The following SLC27A4 variants were observed in gnomAD, a reference collection of about 807,000 sequenced individuals.
SLC27A4 encodes the protein solute carrier family 27 member 4.
Under a neutral mutation model 64.4 loss-of-function variants are expected in SLC27A4, and 33 were observed. That is an observed-to-expected ratio of 0.51 (90% CI 0.39 to 0.68). The LOEUF is 0.68. Ranked by LOEUF, SLC27A4 falls within the 30% of genes least tolerant of loss-of-function variation. SLC27A4 has a pLI of 0.00. For synonymous variants in SLC27A4, 377 were observed against 370.0 expected (o/e 1.02, Z -0.22); for missense variants, 824 against 883.5 (o/e 0.93, Z 0.85).
chr9:128,352,828 T>C lies in SLC27A4; in HGVS notation c.987+81T>C, dbSNP rs144672461. 1,131 of 1,206,550 alleles carry C rather than the reference T, an allele frequency of 9.4e-4. 3 individuals carry two copies. In the African/African-American group the frequency reaches 0.011, roughly 12 times the overall value. 74.7% of individuals were successfully genotyped at this position (1,206,550 alleles called of 1,614,324 possible). ...ACTACACTCCGGGGCATCTGTCTTATAGCTGAGGTGGCCAGTCATTCCAAA... is the reference window on the plus strand; with the variant it reads ...ACTACACTCCGGGGCATCTGTCTTACAGCTGAGGTGGCCAGTCATTCCAAA... On this transcript the variant is annotated intron_variant, in intron 7 of 12. Transcript: ENST00000300456.
chr9:128,351,435 T>G (rs1588560908), intron 6 of SLC27A4, among the ~76,000 whole-genome samples: 1 of 151,236 alleles, frequency 6.6e-6, no homozygotes, highest in Middle Eastern at 3.4e-3. Flanking sequence ...TCAAAAAAAA[T>G]AAAAATAGGC....
intron 6 of SLC27A4, among the ~76,000 whole-genome samples, chr9:128,351,855 C>T (rs1373692650): frequency 2.6e-5 from 4 of 151,934 alleles, no homozygotes; most frequent in Non-Finnish European, 5.9e-5. Context: ...GAGTTTAAGG[C>T]CAGCCTGGGC....
Position 128,353,371 on chromosome 9 carries a change from G to C in SLC27A4, c.1198-44G>C, listed in dbSNP as rs1564402262. ...ACTTCCCCCTCATTGTCCAGTTTTGGGCCCATGGTGAGAGAGCCCAGGCCC... is the reference window on the plus strand; with the variant it reads ...ACTTCCCCCTCATTGTCCAGTTTTGCGCCCATGGTGAGAGAGCCCAGGCCC... On this transcript the variant is annotated intron_variant, in intron 8 of 12. Transcript: ENST00000300456. This position sits in a 1 kb window ranked among gnomAD's most constrained non-coding sequence, Gnocchi z 4.9. The C allele has an allele frequency of 2.5e-6, 4 of 1,614,062 alleles. No individual in the cohort carries two copies. Among genetic ancestry groups the C allele is most frequent in the Non-Finnish European group, 2.5e-6 (3 of 1,180,022 alleles).
intron 2 of SLC27A4, 93 bp downstream of exon 2, chr9:128,343,386 A>G (rs907918748): frequency 4.6e-5 from 68 of 1,463,638 alleles, no homozygotes; most frequent in Admixed American, 2.4e-4. Context: ...CATGTTCTCT[A>G]CCAGCACAGG....
intron 1 of SLC27A4, 56 bp downstream of exon 1, chr9:128,340,894 C>A: frequency 1.8e-6 from 1 of 548,308 alleles, no homozygotes; most frequent in South Asian, 2.1e-5. Flanking sequence ...CAGGCCGAGT[C>A]GGGCGAGGTG....
chr9:128,346,547 T>A (rs1377287217), intron 3 of SLC27A4, among the ~76,000 whole-genome samples: 1 of 151,924 alleles, frequency 6.6e-6, no homozygotes, highest in South Asian at 2.1e-4. Flanking sequence ...AAAAAGTTTT[T>A]AAAAAATTAG....
intron 1 of SLC27A4, among the ~76,000 whole-genome samples, chr9:128,341,807 C>G (rs957540431): frequency 6.6e-6 from 1 of 152,094 alleles, no homozygotes; most frequent in African/African-American, 2.4e-5. Context: ...GGCACAATCT[C>G]GGCTCAATGG....
chr9:128,361,447 G>A lies in SLC27A4; in HGVS notation c.*956G>A, dbSNP rs534530929. On this transcript the variant is annotated 3_prime_UTR_variant, in exon 13 of 13. Coordinates refer to ENST00000300456, the MANE Select transcript of SLC27A4 (RefSeq NM_005094.4). Reference sequence around the variant, plus strand: ...TGTGAATCTGGCAAGGTGTTTAACAGTGTGGGCTTGAAAGTCCAAACCAGC... The same window carrying A: ...TGTGAATCTGGCAAGGTGTTTAACAATGTGGGCTTGAAAGTCCAAACCAGC... The A allele has an allele frequency of 6.6e-6, 1 of 152,406 alleles. No individual in the cohort carries two copies. Among genetic ancestry groups the A allele is most frequent in the East Asian group, 1.9e-4 (1 of 5,192 alleles). 9.4% of individuals were successfully genotyped at this position (152,406 alleles called of 1,614,324 possible).
At chr9:128,355,592 A>AG (rs1832807482) in intron 11 of SLC27A4, 30 bp downstream of exon 11, 2 of 1,607,456 alleles carry the variant, frequency 1.2e-6, no homozygotes, top group African/African-American at 1.3e-5. Context: ...AGGTGTGGGT[A>AG]GGGAGGCACC....
chr9:128,360,474 G>C lies in SLC27A4; in HGVS notation c.1915G>C (p.Gly639Arg). 1 of 1,614,042 alleles carries C rather than the reference G, an allele frequency of 6.2e-7. No homozygotes were observed. Among genetic ancestry groups the C allele is most frequent in the Non-Finnish European group, 8.5e-7 (1 of 1,180,040 alleles). Reference protein sequence around the residue: ...DQEAYSRIQAGEEKL With the variant: ...DQEAYSRIQAREEKL ...AGAGGCCTACAGCCGCATCCAGGCA[G>C]GCGAGGAGAAGCTGTGATTCCCCCC... The change falls in exon 13 of 13, where the codon GGC becomes CGC. Residue 639 changes from glycine to arginine, a missense_variant. Transcript: ENST00000300456.
At position 128,353,590 on chromosome 9, in the gene SLC27A4, G is replaced by A; in HGVS notation, c.1324+49G>A. On this transcript the variant is annotated intron_variant, in intron 9 of 12. Transcript: ENST00000300456. This position sits in a 1 kb window ranked among gnomAD's most constrained non-coding sequence, Gnocchi z 4.9. ...GGGAGGGGTTGGCCTGGGAAGGAAGGAGGCCAGGCGCGTGTGGATGGGGAG... is the reference window on the plus strand; with the variant it reads ...GGGAGGGGTTGGCCTGGGAAGGAAGAAGGCCAGGCGCGTGTGGATGGGGAG... The A allele has an allele frequency of 6.2e-7, 1 of 1,601,494 alleles. No individual in the cohort carries two copies. The highest frequency in any genetic ancestry group is 8.5e-7 in the Non-Finnish European group (1 of 1,171,738).
chr9:128,346,393 C>G (rs1324050380), intron 3 of SLC27A4, among the ~76,000 whole-genome samples: 1 of 151,826 alleles, frequency 6.6e-6, no homozygotes, highest in Non-Finnish European at 1.5e-5. Context: ...GCCACCACGC[C>G]CAGCTAATTT....
At chr9:128,350,434 C>T (rs1564401048) in intron 5 of SLC27A4, 50 bp from the exon 6 acceptor site, 1 of 1,611,796 alleles carries the variant, frequency 6.2e-7, no homozygotes, top group African/African-American at 1.3e-5. Flanking sequence ...TGGGGAGCCT[C>T]CTTCTGCCTT....
At chr9:128,346,097 T>C (rs895540823) in intron 3 of SLC27A4, among the ~76,000 whole-genome samples, 2 of 152,194 alleles carry the variant, frequency 1.3e-5, no homozygotes. Context: ...TACTCAGTTT[T>C]GCCATGTTGC....
Position 128,352,965 on chromosome 9 carries a change from G to A in SLC27A4, c.988-60G>A, listed in dbSNP as rs907741733. 9 of 1,436,672 alleles carry A rather than the reference G, an allele frequency of 6.3e-6. No individual in the cohort carries two copies. The Admixed American group carries it at 1.1e-4, about 18-fold the overall frequency. The allele number at this position is 1,436,672 out of a possible 1,614,324, so 89.0% of individuals were successfully genotyped here. A position where few individuals can be genotyped will look rare whatever the true frequency, so the allele number is the denominator to read the frequency against. Reference sequence around the variant, plus strand: ...AGAGTAGGGGCTTGAGGGATCAGGAGAATCCTAGTGTAGTGAGGGCAGCCT... The same window carrying A: ...AGAGTAGGGGCTTGAGGGATCAGGAAAATCCTAGTGTAGTGAGGGCAGCCT... On this transcript the variant is annotated intron_variant, in intron 7 of 12. Coordinates refer to ENST00000300456, the MANE Select transcript of SLC27A4 (RefSeq NM_005094.4).
At chr9:128,355,344 C>A in intron 10 of SLC27A4, 54 bp from the exon 11 acceptor site, 2 of 1,610,096 alleles carry the variant, frequency 1.2e-6, no homozygotes, top group African/African-American at 2.7e-5. Context: ...CTGGCTTGAG[C>A]CCTGGTCTCA....
chr9:128,354,470 G>T (rs1832787277), intron 9 of SLC27A4, among the ~76,000 whole-genome samples: 1 of 152,200 alleles, frequency 6.6e-6, no homozygotes, highest in African/African-American at 2.4e-5. Context: ...CCGGCATGGA[G>T]CAGAGGCTTG....
Position 128,360,592 on chromosome 9 carries a change from T to C in SLC27A4, c.*101T>C. 7.7e-7 allele frequency: 1 copy of C among 1,290,470 alleles called. No individual in the cohort carries two copies. Among genetic ancestry groups the C allele is most frequent in the Non-Finnish European group, 1.1e-6 (1 of 907,370 alleles). The allele number at this position is 1,290,470 out of a possible 1,614,324, so 79.9% of individuals were successfully genotyped here. A position where few individuals can be genotyped will look rare whatever the true frequency, so the allele number is the denominator to read the frequency against. On this transcript the variant is annotated 3_prime_UTR_variant, in exon 13 of 13. Coordinates refer to ENST00000300456, the MANE Select transcript of SLC27A4 (RefSeq NM_005094.4). ...AGGCCAGACCAAAGCAAGCAGGGCC[T>C]GGCACCTCCATCCTGAGGTGCTGCC...
At chr9:128,350,920 C>A (rs937608980) in intron 6 of SLC27A4, among the ~76,000 whole-genome samples, 4 of 152,134 alleles carry the variant, frequency 2.6e-5, no homozygotes, top group African/African-American at 9.7e-5. Context: ...GGTGAAACCC[C>A]GTCTCTACTA....
Sources: allele counts gnomAD v4.1 joint callset (sites outside exome capture counted in the v4.1 genomes callset), GRCh38; gene constraint gnomAD v4.1.1; non-coding constraint Gnocchi (gnomAD v3.1); transcripts MANE v1.5; gene names NCBI Gene and HGNC (gene_info 2026-07-23, HGNC 2026-07-21).